OSBPL9: variants seen among roughly 807,000 people sequenced by gnomAD.
OSBPL9 encodes oxysterol-binding protein-related protein 9.
A neutral mutation model predicts 106.6 loss-of-function variants in OSBPL9; 40 were observed. The observed-to-expected ratio is 0.38, with a 90% CI of 0.29 to 0.49. The LOEUF (loss-of-function observed/expected upper bound fraction) is 0.49. Among genes scored for constraint, OSBPL9 ranks in the 20% least tolerant of loss-of-function variants. OSBPL9 has a pLI of 0.97. For missense variants in OSBPL9, 609 were observed against 887.2 expected, an observed-to-expected ratio of 0.69 and a Z score of 3.98; for synonymous variants, 269 against 295.4, an observed-to-expected ratio of 0.91 and a Z score of 0.92.
At chr1:51,666,084 G>A (rs1570924275) in intron 2 of OSBPL9, among the ~76,000 whole-genome samples, 1 of 152,170 alleles carries the variant, frequency 6.6e-6, no homozygotes, top group East Asian at 1.9e-4. Flanking sequence ...CTGACCTCAG[G>A]TGATCCGCCC....
At chr1:51,612,361 C>G (rs1210773317), upstream of OSBPL9, among the ~76,000 whole-genome samples, 1 of 152,116 alleles carries the variant, frequency 6.6e-6, no homozygotes, top group Non-Finnish European at 1.5e-5. Flanking sequence ...GAATCTGTCC[C>G]AGCTCCTGTC....
intron 1 of OSBPL9, among the ~76,000 whole-genome samples, chr1:51,620,812 A>T (rs578031621): frequency 6.6e-6 from 1 of 152,310 alleles, no homozygotes. Context: ...AGCACTTTTT[A>T]TTATTATTGA....
chr1:51,748,420 T>C, intron 7 of OSBPL9, 22 bp downstream of exon 7: 1 of 1,462,480 alleles, frequency 6.8e-7, no homozygotes, highest in Non-Finnish European at 9.0e-7. Context: ...GTTTGATACA[T>C]TCTGACTTTG....
chr1:51,660,772 C>T (rs187734074), intron 2 of OSBPL9, among the ~76,000 whole-genome samples: 8 of 152,328 alleles, frequency 5.3e-5, no homozygotes, highest in African/African-American at 1.9e-4. Flanking sequence ...TTCTGTCACT[C>T]CTCTCTAGAC....
At chr1:51,528,921 G>GA in the OSBPL9 span, among the ~76,000 whole-genome samples, 3 of 151,744 alleles carry the variant, frequency 2.0e-5, no homozygotes, top group Non-Finnish European at 4.4e-5. Context: ...ACATCAAAAA[G>GA]AAAAAATAGT....
At chr1:51,664,212 ACAACATAAATGT>A (rs1647856565) in intron 2 of OSBPL9, among the ~76,000 whole-genome samples, 1 of 152,238 alleles carries the variant, frequency 6.6e-6, no homozygotes, top group Non-Finnish European at 1.5e-5. Context: ...AAAACTGAAA[ACAACATAAATGT>A]CCATGCACAA....
chr1:51,705,401 T>TATATATA (rs1658305830), intron 3 of OSBPL9, among the ~76,000 whole-genome samples: 1 of 26,198 alleles, frequency 3.8e-5, no homozygotes, highest in African/African-American at 2.3e-4. Flanking sequence ...ATATATATAT[T>TATATATA]TTTTTTTTTT....
At chr1:51,540,438 C>T in the OSBPL9 span, among the ~76,000 whole-genome samples, 5 of 151,716 alleles carry the variant, frequency 3.3e-5, no homozygotes, top group East Asian at 5.8e-4. Context: ...GGGCAGATCA[C>T]GAGGTCAAGA....
chr1:51,523,548 C>T, the OSBPL9 span, among the ~76,000 whole-genome samples: 5 of 151,978 alleles, frequency 3.3e-5, no homozygotes, highest in Non-Finnish European at 7.4e-5. Context: ...CAATTATACA[C>T]GGGTCTTCTG....
chr1:51,539,743 G>C, the OSBPL9 span, among the ~76,000 whole-genome samples: 1 of 152,078 alleles, frequency 6.6e-6, no homozygotes, highest in Non-Finnish European at 1.5e-5. Flanking sequence ...GCCAGTAAAT[G>C]GTAGAACTTA....
intron 3 of OSBPL9, among the ~76,000 whole-genome samples, chr1:51,680,391 C>T (rs565040959): frequency 2.0e-5 from 3 of 152,138 alleles, no homozygotes; most frequent in Admixed American, 6.5e-5. Flanking sequence ...TGATAGCTCA[C>T]GCCTGTAATC....
intron 4 of OSBPL9, among the ~76,000 whole-genome samples, chr1:51,737,252 T>C (rs1665901142): frequency 6.6e-6 from 1 of 152,070 alleles, no homozygotes; most frequent in African/African-American, 2.4e-5. Flanking sequence ...CTGGAAAACA[T>C]TTTATAATTT....
chr1:51,669,038 G>C (rs1649212487), intron 2 of OSBPL9, among the ~76,000 whole-genome samples: 1 of 152,172 alleles, frequency 6.6e-6, no homozygotes, highest in Non-Finnish European at 1.5e-5. Flanking sequence ...GCCTGCTGAA[G>C]AGCACCTGCC....
upstream of OSBPL9, among the ~76,000 whole-genome samples, chr1:51,614,979 G>A (rs572903735): frequency 3.3e-5 from 5 of 152,264 alleles, no homozygotes; most frequent in South Asian, 2.1e-4. Context: ...TAGAAACTCC[G>A]CCCAGCGCAA....
upstream of OSBPL9, among the ~76,000 whole-genome samples, chr1:51,574,400 A>G (rs1161207023): frequency 6.6e-6 from 1 of 152,026 alleles, no homozygotes; most frequent in African/African-American, 2.4e-5. Flanking sequence ...TGGGCAGATC[A>G]CAAGGTCAGG....
At chr1:51,523,201 A>C in the OSBPL9 span, among the ~76,000 whole-genome samples, 2 of 152,214 alleles carry the variant, frequency 1.3e-5, no homozygotes, top group Non-Finnish European at 2.9e-5. Flanking sequence ...CTAGGTAAAC[A>C]AAGTTGTATC....
At chr1:51,671,161 A>G (rs1649774282) in intron 3 of OSBPL9, among the ~76,000 whole-genome samples, 1 of 152,218 alleles carries the variant, frequency 6.6e-6, no homozygotes, top group African/African-American at 2.4e-5. Context: ...TTTCTATTGT[A>G]GTAGTTATGG....
chr1:51,761,249 T>G (rs114540465), intron 10 of OSBPL9, among the ~76,000 whole-genome samples: 1,797 of 148,846 alleles, frequency 0.012, 38 homozygotes, highest in African/African-American at 0.045. Context: ...ATCTGGGTTT[T>G]GTTTTGTTTT....
intron 16 of OSBPL9, 69 bp downstream of exon 16, chr1:51,781,404 A>G: frequency 1.4e-6 from 2 of 1,423,776 alleles, no homozygotes; most frequent in South Asian, 1.2e-5. Context: ...TTTAGGGGCA[A>G]ATAATAATGA....
Sources: allele counts gnomAD v4.1 joint callset (sites outside exome capture counted in the v4.1 genomes callset), GRCh38; gene constraint gnomAD v4.1.1; transcripts MANE v1.5; gene names NCBI Gene and HGNC (gene_info 2026-07-23, HGNC 2026-07-21).